Variants in MEAF6 observed in about 807,000 individuals in gnomAD.
MEAF6 encodes chromatin modification-related protein MEAF6.
MEAF6 carries 15 observed loss-of-function variants against 28.9 expected under a neutral mutation model. The observed-to-expected ratio is 0.52, with a 90% CI of 0.35 to 0.80. MEAF6 has a LOEUF of 0.80. Among genes scored for constraint, MEAF6 ranks in the 30% least tolerant of loss-of-function variants. The pLI, the probability that MEAF6 is intolerant of heterozygous loss-of-function variation, is 0.01. For missense variants in MEAF6, 178 were observed against 237.5 expected (o/e 0.75, Z 1.65); for synonymous variants, 97 against 88.7 (o/e 1.09, Z -0.53).
chr1:37,508,382 G>A (rs1258377672), intron 4 of MEAF6, among the ~76,000 whole-genome samples: 1 of 143,268 alleles, frequency 7.0e-6, no homozygotes, highest in African/African-American at 2.6e-5. Context: ...GGGCTAAAGT[G>A]ATCCTCTCAC....
At chr1:37,514,421 C>T in intron 1 of MEAF6, 2 of 299,886 alleles carry the variant, frequency 6.7e-6, no homozygotes, top group Non-Finnish European at 6.1e-6. Flanking sequence ...CCTGCGGCTG[C>T]CGCTTCCCCT....
intron 5 of MEAF6, 184 bp downstream of exon 5, chr1:37,501,620 G>T: frequency 2.0e-6 from 1 of 491,894 alleles, no homozygotes. Context: ...TCTTCCTTGA[G>T]GGTTACTCTA....
At chr1:37,510,380 C>CA (rs1642628834) in intron 2 of MEAF6, among the ~76,000 whole-genome samples, 3 of 97,912 alleles carry the variant, frequency 3.1e-5, no homozygotes, top group South Asian at 6.3e-4. Flanking sequence ...TGCACCTAGC[C>CA]ATTTTTTTTT....
At chr1:37,502,292 T>C (rs1642334522) in intron 4 of MEAF6, among the ~76,000 whole-genome samples, 1 of 152,198 alleles carries the variant, frequency 6.6e-6, no homozygotes, top group Non-Finnish European at 1.5e-5. Context: ...TCCAAGCTGG[T>C]CTTGAACACT....
rs776534016 is a variant in MEAF6, at chr1:37,493,772, C to T, written c.*327G>A. The T allele has an allele frequency of 4.1e-5, 63 of 1,550,190 alleles. No homozygotes were observed. The highest frequency in any genetic ancestry group is 1.6e-4 in the Admixed American group (8 of 50,880). ...AGAGAACATTTCTTGAAGGGTATCA[C>T]AGATGAAGCTGGTGCCAGCCAGTTT... On this transcript the variant is annotated 3_prime_UTR_variant, in exon 7 of 7. Coordinates refer to ENST00000296214, the MANE Select transcript of MEAF6 (RefSeq NM_001270875.3).
Position 37,492,609 on chromosome 1 carries a change from G to A in MEAF6, c.*1490C>T, listed in dbSNP as rs1266701472. 4 of 143,364 alleles carry A rather than the reference G, an allele frequency of 2.8e-5. No individual in the cohort carries two copies. The highest frequency in any genetic ancestry group is 1.5e-5 in the Non-Finnish European group (1 of 66,092). The allele number at this position is 143,364 out of a possible 1,614,324, so 8.9% of individuals were successfully genotyped here. On this transcript the variant is annotated 3_prime_UTR_variant, in exon 7 of 7. Coordinates refer to ENST00000296214, the MANE Select transcript of MEAF6 (RefSeq NM_001270875.3). ...CACAAAAGTTTATTTGAGAACAAGA[G>A]TGAAAGCTTTTGCACATCTGACAAG...
At position 37,493,595 on chromosome 1, in the gene MEAF6, T is replaced by C; in HGVS notation, c.*504A>G. ...TATGTCAGCAGGAAAGTATGAGCTG[T>C]ACAAAGGCATTACAAAAAAACCCCA... On this transcript the variant is annotated 3_prime_UTR_variant, in exon 7 of 7. Transcript: ENST00000296214. 3.0e-6 allele frequency: 2 copies of C among 661,056 alleles called. No homozygotes were observed. The highest frequency in any genetic ancestry group is 5.4e-6 in the Non-Finnish European group (2 of 372,232). 40.9% of individuals were successfully genotyped at this position (661,056 alleles called of 1,614,324 possible). A position where few individuals can be genotyped will look rare whatever the true frequency, so the allele number is the denominator to read the frequency against.
chr1:37,494,143 C>A, intron 6 of MEAF6, 36 bp from the exon 7 acceptor site: 2 of 1,579,280 alleles, frequency 1.3e-6, no homozygotes, highest in Non-Finnish European at 1.7e-6. Flanking sequence ...AACTTACTCT[C>A]GGCAGAACAG....
intron 6 of MEAF6, among the ~76,000 whole-genome samples, chr1:37,495,284 T>C (rs1299480300): frequency 2.0e-5 from 3 of 151,416 alleles, no homozygotes; most frequent in African/African-American, 4.9e-5. Context: ...TGAGCCAAGA[T>C]TGCACCACTG....
chr1:37,494,836 C>A lies in MEAF6; in HGVS notation c.568-729G>T, dbSNP rs576602713. ...ACAGAGCCAGACCCTGTCACACACA[C>A]AAAAAAAAAATTTAAAAAAAGATTC... On this transcript the variant is annotated intron_variant, in intron 6 of 6. Transcript: ENST00000296214. Among the ~76,000 whole-genome samples, 290 of 145,738 alleles carry A rather than the reference C, an allele frequency of 2.0e-3. 2 individuals are homozygous for A. The Middle Eastern group carries it at 0.024, about 12-fold the overall frequency.
rs200633970 is a variant in MEAF6, at chr1:37,494,086, A to G, written c.*13T>C. On this transcript the variant is annotated 3_prime_UTR_variant, in exon 7 of 7. Transcript: ENST00000296214. ...GGCTCTACAGCCTGGAAGCTTCTGC[A>G]CTAATGTGTCTTCTAATAGTCCTAA... The G allele has an allele frequency of 1.9e-6, 3 of 1,612,766 alleles. No homozygotes were observed. Among genetic ancestry groups the G allele is most frequent in the South Asian group, 1.1e-5 (1 of 90,724 alleles).
intron 5 of MEAF6, 81 bp downstream of exon 5, chr1:37,501,723 T>C: frequency 7.7e-7 from 1 of 1,306,258 alleles, no homozygotes; most frequent in Non-Finnish European, 1.0e-6. Context: ...TCTGCAGCAA[T>C]CCTAAAGAGT....
chr1:37,502,133 AGAAGATACATGTTGACAG>A (rs1642327502), intron 4 of MEAF6, 137 bp from the exon 5 acceptor site: 9 of 488,060 alleles, frequency 1.8e-5, no homozygotes, highest in Non-Finnish European at 2.9e-5. Flanking sequence ...ATGTTGACAG[AGAAGATACATGTTGACAG>A]AGAAGATACA....
chr1:37,499,182 G>A (rs1372660919), intron 5 of MEAF6, among the ~76,000 whole-genome samples: 1 of 152,012 alleles, frequency 6.6e-6, no homozygotes, highest in African/African-American at 2.4e-5. Context: ...TTCCTGAAGA[G>A]GGCAAATTCA....
chr1:37,513,660 TGGAGAG>T, intron 1 of MEAF6, 122 bp from the exon 2 acceptor site: 1 of 758,240 alleles, frequency 1.3e-6, no homozygotes, highest in Non-Finnish European at 2.3e-6. Flanking sequence ...AACCACCCTG[TGGAGAG>T]ATGGAAGATA....
intron 2 of MEAF6, among the ~76,000 whole-genome samples, chr1:37,509,888 T>C (rs1642608983): frequency 1.3e-5 from 2 of 152,128 alleles, no homozygotes; most frequent in Admixed American, 6.6e-5. Context: ...GCGATTCTCC[T>C]GCCTCAGCCT....
intron 4 of MEAF6, among the ~76,000 whole-genome samples, chr1:37,503,276 C>T (rs1373313605): frequency 6.6e-6 from 1 of 152,218 alleles, no homozygotes; most frequent in Non-Finnish European, 1.5e-5. Context: ...TCAGCTGACA[C>T]ATATTCTCAA....
At chr1:37,511,956 AT>A (rs1277317239) in intron 2 of MEAF6, among the ~76,000 whole-genome samples, 2 of 152,212 alleles carry the variant, frequency 1.3e-5, no homozygotes, top group African/African-American at 4.8e-5. Flanking sequence ...TGCAGTATTG[AT>A]TTTCTAGGTA....
At chr1:37,509,347 T>C (rs751777644) in intron 3 of MEAF6, 24 bp from the exon 4 acceptor site, 5 of 1,613,534 alleles carry the variant, frequency 3.1e-6, no homozygotes, top group Admixed American at 1.7e-5. Flanking sequence ...CACCAGTTAC[T>C]AGAAAAGTGA....
Sources: allele counts gnomAD v4.1 joint callset (sites outside exome capture counted in the v4.1 genomes callset), GRCh38; gene constraint gnomAD v4.1.1; transcripts MANE v1.5; gene names NCBI Gene and HGNC (gene_info 2026-07-23, HGNC 2026-07-21).